Variants in DNAJC1 observed in about 807,000 individuals in gnomAD.
DNAJC1 encodes DnaJ heat shock protein family (Hsp40) member C1.
Under a neutral mutation model 76.6 loss-of-function variants are expected in DNAJC1, and 58 were observed. That is an observed-to-expected ratio of 0.76 (90% CI 0.61 to 0.94). The LOEUF (loss-of-function observed/expected upper bound fraction) is 0.94, where lower values mean the gene tolerates loss of function less well. DNAJC1 is among the 40% of genes least tolerant of loss of function. DNAJC1 has a pLI of 0.00. For missense variants in DNAJC1, 689 were observed against 677.3 expected (o/e 1.02, Z -0.19); for synonymous variants, 258 against 267.9 (o/e 0.96, Z 0.36).
chr10:21,774,629 C>T (rs374155825), intron 9 of DNAJC1, among the ~76,000 whole-genome samples: 1 of 152,180 alleles, frequency 6.6e-6, no homozygotes, highest in East Asian at 1.9e-4. Flanking sequence ...CGCCCACCAC[C>T]ATGCCCAGCT....
intron 9 of DNAJC1, among the ~76,000 whole-genome samples, chr10:21,770,380 G>T (rs1169786484): frequency 6.7e-6 from 1 of 148,276 alleles, no homozygotes; most frequent in Non-Finnish European, 1.5e-5. Context: ...TGAGTTGTAA[G>T]ATTATTTTTT....
chr10:21,882,490 T>TTAGA, intron 7 of DNAJC1, 51 bp from the exon 8 acceptor site: 2 of 1,204,500 alleles, frequency 1.7e-6, no homozygotes, highest in Non-Finnish European at 2.2e-6. Flanking sequence ...AGAATAAAAT[T>TTAGA]AATTTCTAAC....
chr10:21,956,883 A>G (rs1790606084), intron 1 of DNAJC1, among the ~76,000 whole-genome samples: 1 of 149,790 alleles, frequency 6.7e-6, no homozygotes, highest in Admixed American at 6.7e-5. Context: ...TTTTCAGACA[A>G]TTCTTATTTC....
chr10:21,781,806 C>G (rs1834532488), intron 9 of DNAJC1, among the ~76,000 whole-genome samples: 1 of 149,600 alleles, frequency 6.7e-6, no homozygotes. Context: ...CTACTGGGTA[C>G]ATAACGAAAT....
intron 3 of DNAJC1, among the ~76,000 whole-genome samples, chr10:21,925,668 T>C (rs1041845004): frequency 1.3e-5 from 2 of 152,192 alleles, no homozygotes; most frequent in Non-Finnish European, 1.5e-5. Context: ...CTTATGTTAA[T>C]AGAAGCCAGA....
intron 3 of DNAJC1, among the ~76,000 whole-genome samples, chr10:21,922,582 TA>T (rs1837058053): frequency 6.6e-6 from 1 of 152,054 alleles, no homozygotes; most frequent in African/African-American, 2.4e-5. Flanking sequence ...CATCAAGATA[TA>T]ATAATATGAC....
chr10:21,948,168 G>A (rs746076277), intron 1 of DNAJC1, among the ~76,000 whole-genome samples: 7 of 147,422 alleles, frequency 4.7e-5, no homozygotes, highest in Non-Finnish European at 8.9e-5. Flanking sequence ...TTGGCTCACT[G>A]CAATATCTGC....
intron 8 of DNAJC1, among the ~76,000 whole-genome samples, chr10:21,867,208 G>GCC (rs1836015341): frequency 6.6e-6 from 1 of 151,920 alleles, no homozygotes; most frequent in African/African-American, 2.4e-5. Flanking sequence ...ACTCAAAAAG[G>GCC]CAAAAGATGG....
chr10:21,802,751 A>C (rs929042130), intron 9 of DNAJC1, among the ~76,000 whole-genome samples: 1 of 152,120 alleles, frequency 6.6e-6, no homozygotes, highest in Non-Finnish European at 1.5e-5. Context: ...CTTTCAGGCA[A>C]AAGAATAGTA....
chr10:21,844,307 A>G (rs1457623907), intron 8 of DNAJC1, among the ~76,000 whole-genome samples: 1 of 151,360 alleles, frequency 6.6e-6, no homozygotes, highest in African/African-American at 2.4e-5. Flanking sequence ...TGGGTTTCAC[A>G]ACGTTGCCCA....
chr10:21,864,276 C>T (rs1171715505), intron 8 of DNAJC1, among the ~76,000 whole-genome samples: 1 of 151,824 alleles, frequency 6.6e-6, no homozygotes, highest in Non-Finnish European at 1.5e-5. Context: ...CACCTATTTG[C>T]AAAAAAGATA....
chr10:21,983,502 A>G (rs1838189625), intron 1 of DNAJC1, among the ~76,000 whole-genome samples: 1 of 152,188 alleles, frequency 6.6e-6, no homozygotes, highest in African/African-American at 2.4e-5. Context: ...AGGCAGGCAG[A>G]TCACTTGAGG....
At chr10:21,851,861 T>C (rs933023754) in intron 8 of DNAJC1, among the ~76,000 whole-genome samples, 2 of 152,004 alleles carry the variant, frequency 1.3e-5, no homozygotes, top group African/African-American at 4.8e-5. Context: ...GATACCATCC[T>C]GGCTAACACA....
intron 3 of DNAJC1, among the ~76,000 whole-genome samples, chr10:21,928,171 G>A (rs1230010910): frequency 6.6e-6 from 1 of 152,108 alleles, no homozygotes; most frequent in African/African-American, 2.4e-5. Context: ...AGCTATTACT[G>A]ACATATGGGA....
At position 21,967,243 on chromosome 10, in the gene DNAJC1, A is replaced by G. The variant is rs1382094907; in HGVS notation, c.222+35970T>C. On this transcript the variant is annotated intron_variant, in intron 1 of 11. Transcript: ENST00000376980. The stretch of plus-strand genomic sequence containing the variant: ...CCCAACTGCAGGCAAACATTGATTT[A>G]CTTTCTGTGTCTTTAGTTTTACCTT... Among the ~76,000 whole-genome samples, 3 of 152,208 alleles carry G rather than the reference A, an allele frequency of 2.0e-5. No individual in the cohort carries two copies. In the East Asian group the frequency reaches 5.8e-4, roughly 29 times the overall value.
intron 8 of DNAJC1, among the ~76,000 whole-genome samples, chr10:21,813,379 A>C (rs1009619622): frequency 7.5e-6 from 1 of 132,804 alleles, no homozygotes; most frequent in African/African-American, 3.1e-5. Flanking sequence ...TCAAGGTCAA[A>C]GGGCAAACAG....
At chr10:21,956,299 C>T (rs1052256730) in intron 1 of DNAJC1, among the ~76,000 whole-genome samples, 1 of 152,152 alleles carries the variant, frequency 6.6e-6, no homozygotes, top group Non-Finnish European at 1.5e-5. Context: ...GCCTTCATGA[C>T]CTAATCACCT....
intron 1 of DNAJC1, among the ~76,000 whole-genome samples, chr10:21,939,962 AAGC>A (rs1232021088): frequency 7.3e-5 from 11 of 150,928 alleles, no homozygotes; most frequent in East Asian, 1.9e-4. Context: ...AAAAAAAAAA[AAGC>A]AGCAAAAAAG....
intron 1 of DNAJC1, among the ~76,000 whole-genome samples, chr10:21,973,789 T>C (rs71491907): frequency 6.6e-6 from 1 of 151,046 alleles, no homozygotes; most frequent in African/African-American, 2.4e-5. Flanking sequence ...GATCTGGAGA[T>C]GAAAGTTTCT....
Sources: allele counts gnomAD v4.1 joint callset (sites outside exome capture counted in the v4.1 genomes callset), GRCh38; gene constraint gnomAD v4.1.1; transcripts MANE v1.5; gene names NCBI Gene and HGNC (gene_info 2026-07-23, HGNC 2026-07-21).